The following LGMN variants were observed in gnomAD, a reference collection of about 807,000 sequenced individuals.
LGMN encodes asparaginyl endopeptidase.
A neutral mutation model predicts 56.8 loss-of-function variants in LGMN; 36 were observed. The ratio of observed to expected loss-of-function variants is 0.63; its 90% CI spans 0.49 to 0.84. The LOEUF (loss-of-function observed/expected upper bound fraction) is 0.84, where lower values mean the gene tolerates loss of function less well. Ranked by LOEUF, LGMN falls within the 40% of genes least tolerant of loss-of-function variation. LGMN has a pLI of 0.00. For synonymous variants in LGMN, 199 were observed against 210.1 expected (o/e 0.95, Z 0.46); for missense variants, 446 against 556.1 (o/e 0.80, Z 1.99).
chr14:92,716,494 A>AT (rs2140225011), intron 4 of LGMN, among the ~76,000 whole-genome samples: 1 of 152,326 alleles, frequency 6.6e-6, no homozygotes, highest in South Asian at 2.1e-4. Flanking sequence ...TTAGCCAGGC[A>AT]TCATGGCACC....
chr14:92,704,758 T>C (rs781240189), intron 12 of LGMN, 51 bp from the exon 13 acceptor site: 1 of 1,451,068 alleles, frequency 6.9e-7, no homozygotes, highest in African/African-American at 1.4e-5. Flanking sequence ...CACCACACAA[T>C]CCACTCCACT....
intron 5 of LGMN, among the ~76,000 whole-genome samples, chr14:92,715,165 A>C (rs1365529392): frequency 6.6e-6 from 1 of 151,560 alleles, no homozygotes. Context: ...CGCCTGGTTA[A>C]TTTTTGTATT....
chr14:92,728,691 A>G (rs1391586722), intron 2 of LGMN, among the ~76,000 whole-genome samples: 1 of 152,216 alleles, frequency 6.6e-6, no homozygotes, highest in Admixed American at 6.5e-5. Context: ...AATAAAAGAT[A>G]AAGTAATGCC....
intron 2 of LGMN, among the ~76,000 whole-genome samples, chr14:92,725,689 C>T (rs1890707805): frequency 6.6e-6 from 1 of 151,858 alleles, no homozygotes. Context: ...TATTTTCCTG[C>T]CTCAGCCTCC....
chr14:92,742,987 G>A (rs988951209), intron 1 of LGMN: 4 of 151,312 alleles, frequency 2.6e-5, no homozygotes, highest in Non-Finnish European at 4.4e-5. Flanking sequence ...TGAACCATCC[G>A]GCCTGGGTGA....
chr14:92,725,303 C>G (rs1890687433), intron 2 of LGMN, among the ~76,000 whole-genome samples: 1 of 152,162 alleles, frequency 6.6e-6, no homozygotes, highest in African/African-American at 2.4e-5. Context: ...AATCTGAGCA[C>G]TTTGGGAGGC....
At chr14:92,727,675 G>C (rs952653396) in intron 2 of LGMN, among the ~76,000 whole-genome samples, 1 of 152,066 alleles carries the variant, frequency 6.6e-6, no homozygotes, top group Admixed American at 6.6e-5. Context: ...TCAAACCCAC[G>C]TCAAGCCTCT....
intron 10 of LGMN, among the ~76,000 whole-genome samples, chr14:92,710,999 T>C (rs1427809581): frequency 6.6e-6 from 1 of 152,154 alleles, no homozygotes; most frequent in Non-Finnish European, 1.5e-5. Context: ...AGCTCTCCGC[T>C]GGGGGTGGGC....
At chr14:92,743,361 G>A (rs1891656507) in intron 1 of LGMN, among the ~76,000 whole-genome samples, 1 of 152,124 alleles carries the variant, frequency 6.6e-6, no homozygotes, top group African/African-American at 2.4e-5. Flanking sequence ...AAATTAGCCA[G>A]GCGTGGTGGC....
chr14:92,740,579 G>A (rs1003847381), intron 1 of LGMN, among the ~76,000 whole-genome samples: 1 of 152,138 alleles, frequency 6.6e-6, no homozygotes, highest in Non-Finnish European at 1.5e-5. Context: ...GGGAGGCCCC[G>A]GAACCACAGG....
chr14:92,726,885 AACTG>A (rs1462415670), intron 2 of LGMN, among the ~76,000 whole-genome samples: 1 of 152,300 alleles, frequency 6.6e-6, no homozygotes, highest in East Asian at 1.9e-4. Context: ...CCTCACCAGG[AACTG>A]ACTGACTTGA....
intron 10 of LGMN, among the ~76,000 whole-genome samples, chr14:92,711,341 G>A (rs950532810): frequency 6.6e-6 from 1 of 152,220 alleles, no homozygotes; most frequent in Admixed American, 6.5e-5. Context: ...CTAGGCCTGT[G>A]TTTAGCATAA....
In LGMN at chr14:92,706,625, C is replaced by T. The variant is rs746438674; in HGVS notation, c.1049G>A (p.Arg350His). Residue 350 changes from arginine to histidine, a missense_variant, in exon 12 of 14, where the codon CGT becomes CAT. Arg to His is a conservative substitution (Grantham distance 29, BLOSUM62 0). Coordinates refer to ENST00000334869, the MANE Select transcript of LGMN (RefSeq NM_005606.7). The stretch of plus-strand genomic sequence containing the variant: ...CGCTGCCAGCAAGGAGACGATCTTA[C>T]GCACTGACTTCTCAATGAGGTGCCT... ...DARHLIEKSVRKIVSLLAASE... is the reference protein window; with the variant it reads ...DARHLIEKSVHKIVSLLAASE... 19 of 1,594,370 alleles carry T rather than the reference C, an allele frequency of 1.2e-5. No homozygotes were observed. The East Asian group carries it at 2.0e-4, about 17-fold the overall frequency.
chr14:92,719,347 A>ACCGCCGCCGCCG (rs1566924790), intron 2 of LGMN, among the ~76,000 whole-genome samples: 1 of 123,496 alleles, frequency 8.1e-6, no homozygotes, highest in Non-Finnish European at 1.7e-5. Flanking sequence ...CATCACCGCC[A>ACCGCCGCCGCCG]CCACCACCAA....
In LGMN at chr14:92,719,212, G is replaced by A. The variant is rs867414910; in HGVS notation, c.139-368C>T. Among the ~76,000 whole-genome samples, 229 of 48,906 alleles carry A rather than the reference G, an allele frequency of 4.7e-3. 4 individuals carry two copies. The highest frequency in any genetic ancestry group is 0.02 in the African/African-American group (214 of 10,466). 32.1% of individuals were successfully genotyped at this position (48,906 alleles called of 152,430 possible). The stretch of plus-strand genomic sequence containing the variant: ...CACCACCGCCACCAACACCACCACC[G>A]CCACCAACACCACCACCGCCACCGC... On this transcript the variant is annotated intron_variant, in intron 2 of 13. Coordinates refer to ENST00000334869, the MANE Select transcript of LGMN (RefSeq NM_005606.7).
At chr14:92,734,987 G>A (rs1428514864) in intron 1 of LGMN, among the ~76,000 whole-genome samples, 3 of 152,212 alleles carry the variant, frequency 2.0e-5, no homozygotes, top group East Asian at 1.9e-4. Flanking sequence ...CATGGAGGAC[G>A]CACCCAGATG....
intron 2 of LGMN, among the ~76,000 whole-genome samples, chr14:92,719,916 C>G (rs952860113): frequency 6.6e-6 from 1 of 152,336 alleles, no homozygotes; most frequent in African/African-American, 2.4e-5. Context: ...TAAGGAGAGG[C>G]GTGTGCCCAG....
At chr14:92,739,102 G>A (rs1246305952) in intron 1 of LGMN, among the ~76,000 whole-genome samples, 3 of 151,762 alleles carry the variant, frequency 2.0e-5, no homozygotes, top group Non-Finnish European at 2.9e-5. Context: ...GGGGTGAAGA[G>A]AGACACAAAA....
chr14:92,731,085 G>A (rs68062833), intron 2 of LGMN, among the ~76,000 whole-genome samples: 22,171 of 152,104 alleles, frequency 0.15, 1,802 homozygotes, highest in East Asian at 0.26. Context: ...GAGCTGTACC[G>A]CTTTGGGCAA....
Sources: allele counts gnomAD v4.1 joint callset (sites outside exome capture counted in the v4.1 genomes callset), GRCh38; gene constraint gnomAD v4.1.1; transcripts MANE v1.5; gene names NCBI Gene and HGNC (gene_info 2026-07-23, HGNC 2026-07-21).